Variants in ITGA1 observed in about 807,000 individuals in gnomAD.
ITGA1 encodes integrin subunit alpha 1.
ITGA1 carries 85 observed loss-of-function variants against 145.9 expected under a neutral mutation model. That is an observed-to-expected ratio of 0.58 (90% CI 0.49 to 0.70). The LOEUF is 0.70. ITGA1 is among the 30% of genes least tolerant of loss of function. The pLI is 0.00. For synonymous variants in ITGA1, 520 were observed against 495.3 expected, an observed-to-expected ratio of 1.05 and a Z score of -0.66; for missense variants, 1,351 against 1,418.7, an observed-to-expected ratio of 0.95 and a Z score of 0.77.
intron 19 of ITGA1, among the ~76,000 whole-genome samples, chr5:52,926,184 C>G (rs763118130): frequency 6.6e-6 from 1 of 152,090 alleles, no homozygotes; most frequent in African/African-American, 2.4e-5. Flanking sequence ...CTATTGTCTA[C>G]TTTCTGTAAA....
chr5:52,873,905 G>A (rs992096597), intron 6 of ITGA1, among the ~76,000 whole-genome samples: 3 of 152,194 alleles, frequency 2.0e-5, no homozygotes, highest in African/African-American at 4.8e-5. Context: ...TAAAATTTGG[G>A]TGCTGGTGTA....
intron 11 of ITGA1, 154 bp from the exon 12 acceptor site, chr5:52,905,609 C>T: frequency 1.8e-6 from 1 of 560,420 alleles, no homozygotes; most frequent in Non-Finnish European, 2.9e-6. Context: ...AAGCTTCCAC[C>T]AAAACAAATT....
intron 11 of ITGA1, 116 bp from the exon 12 acceptor site, chr5:52,905,647 T>C: frequency 1.1e-6 from 1 of 873,190 alleles, no homozygotes; most frequent in Non-Finnish European, 1.7e-6. Flanking sequence ...AAAAATATTA[T>C]TTTCAAAATA....
At chr5:52,943,500 T>C (rs1442796914) in intron 26 of ITGA1, among the ~76,000 whole-genome samples, 4 of 152,212 alleles carry the variant, frequency 2.6e-5, no homozygotes, top group African/African-American at 7.2e-5. Context: ...GGGCAGTAGA[T>C]AGGCTCTTAG....
In ITGA1 at chr5:52,941,115, C is replaced by T. The variant is rs550594321; in HGVS notation, c.3285+1171C>T. 6.6e-4 allele frequency among the ~76,000 whole-genome samples: 101 copies of T among 152,204 alleles called. 1 individual carries two copies. The highest frequency in any genetic ancestry group is 2.3e-3 in the African/African-American group (96 of 41,530). ...TTGCTGCAAAGGACATGATTTTGTT[C>T]TTTTTTATGGCTGTGCAGTGTTCCA... On this transcript the variant is annotated intron_variant, in intron 26 of 28. Transcript: ENST00000282588.
At chr5:52,908,036 G>A (rs182053937) in intron 12 of ITGA1, among the ~76,000 whole-genome samples, 1 of 152,124 alleles carries the variant, frequency 6.6e-6, no homozygotes, top group African/African-American at 2.4e-5. Context: ...TTTTAAGAAG[G>A]ATTGGTCATC....
chr5:52,947,596 G>A lies in ITGA1; in HGVS notation c.3495+135G>A. 9.8e-6 allele frequency: 6 copies of A among 612,116 alleles called. No individual in the cohort carries two copies. The South Asian group carries it at 1.2e-4, about 12-fold the overall frequency. The allele number at this position is 612,116 out of a possible 1,614,324, so 37.9% of individuals were successfully genotyped here. On this transcript the variant is annotated intron_variant, in intron 28 of 28. Transcript: ENST00000282588. The stretch of plus-strand genomic sequence containing the variant: ...ACAAACGTTGAAATGATGACTAAGG[G>A]AAAGAAAAAAGAAAAATGCGTATTT...
chr5:52,838,423 G>T (rs1221398111), intron 1 of ITGA1, among the ~76,000 whole-genome samples: 3 of 152,152 alleles, frequency 2.0e-5, no homozygotes, highest in Admixed American at 1.3e-4. Flanking sequence ...CACTGTCAGA[G>T]TGTGCACAGT....
chr5:52,884,407 A>G (rs1750014222), intron 7 of ITGA1, among the ~76,000 whole-genome samples: 1 of 151,530 alleles, frequency 6.6e-6, no homozygotes, highest in African/African-American at 2.4e-5. Context: ...AGATCGTGCC[A>G]CTGCACTTCA....
At position 52,861,083 on chromosome 5, in the gene ITGA1, C is replaced by A. The variant is rs796532541; in HGVS notation, c.183-364C>A. On this transcript the variant is annotated intron_variant, in intron 2 of 28. Coordinates refer to ENST00000282588, the MANE Select transcript of ITGA1 (RefSeq NM_181501.2). ...CAATAATTATTGATTATTTCAGTAC[C>A]CCAATAAAAAATATGATAAAGTAAT... Among the ~76,000 whole-genome samples the A allele has an allele frequency of 2.0e-5, 3 of 151,870 alleles. No homozygotes were observed. The South Asian group carries it at 6.3e-4, about 32-fold the overall frequency.
At chr5:52,895,722 T>G (rs1750213866) in intron 9 of ITGA1, among the ~76,000 whole-genome samples, 1 of 152,132 alleles carries the variant, frequency 6.6e-6, no homozygotes, top group Non-Finnish European at 1.5e-5. Flanking sequence ...GGTGACAGGT[T>G]GAAGAGCCCA....
Position 52,801,050 on chromosome 5 carries a change from A to C in ITGA1, c.61+12636A>C, listed in dbSNP as rs139977042. 7.4e-6 allele frequency: 12 copies of C among 1,613,710 alleles called. No individual in the cohort carries two copies. In the African/African-American group the frequency reaches 1.5e-4, roughly 20 times the overall value. On this transcript the variant is annotated intron_variant, in intron 1 of 28. Coordinates refer to ENST00000282588, the MANE Select transcript of ITGA1 (RefSeq NM_181501.2). ...GGATTTGTGAGGGAGCAGTTCTGCGACTACCTGTTTCAACAAGCAGTGAAG... is the reference window on the plus strand; with the variant it reads ...GGATTTGTGAGGGAGCAGTTCTGCGCCTACCTGTTTCAACAAGCAGTGAAG...
intron 1 of ITGA1, among the ~76,000 whole-genome samples, chr5:52,805,252 A>G (rs1013372601): frequency 6.6e-6 from 1 of 152,174 alleles, no homozygotes; most frequent in Admixed American, 6.5e-5. Flanking sequence ...GGGTTTGACC[A>G]TTAGGAGAAA....
rs925082467 is a variant in ITGA1, at chr5:52,956,519, A to T, written c.*4068A>T. On this transcript the variant is annotated 3_prime_UTR_variant, in exon 29 of 29. Coordinates refer to ENST00000282588, the MANE Select transcript of ITGA1 (RefSeq NM_181501.2). ...ACCAGCTTCAGTGACTCAATCATTT[A>T]TACAGGATTTCAGTGTTTTGTTCTG... The T allele has an allele frequency of 6.6e-6, 1 of 152,206 alleles. No individual in the cohort carries two copies. The highest frequency in any genetic ancestry group is 1.9e-4 in the East Asian group (1 of 5,198). The allele number at this position is 152,206 out of a possible 1,614,324, so 9.4% of individuals were successfully genotyped here.
At chr5:52,940,829 T>C (rs74580921) in intron 26 of ITGA1, among the ~76,000 whole-genome samples, 18 of 152,250 alleles carry the variant, frequency 1.2e-4, no homozygotes, top group Non-Finnish European at 2.5e-4. Context: ...ATACAGGGAG[T>C]ATACATGCAC....
Position 52,874,336 on chromosome 5 carries a change from C to T in ITGA1, c.625-7537C>T, listed in dbSNP as rs571042907. 4.4e-4 allele frequency among the ~76,000 whole-genome samples: 67 copies of T among 151,500 alleles called. No individual in the cohort carries two copies. The South Asian group carries it at 0.013, about 28-fold the overall frequency. ...AGTCCCTCTTGACTCCTCTTTTTGC[C>T]TCTTAAAGGCACCACCTCCCAACAC... is the stretch of plus-strand genomic sequence containing the variant. On this transcript the variant is annotated intron_variant, in intron 6 of 28. Coordinates refer to ENST00000282588, the MANE Select transcript of ITGA1 (RefSeq NM_181501.2).
chr5:52,814,961 A>C (rs1190124995), intron 1 of ITGA1, among the ~76,000 whole-genome samples: 1 of 152,142 alleles, frequency 6.6e-6, no homozygotes, highest in Non-Finnish European at 1.5e-5. Flanking sequence ...GCTTTTCCTT[A>C]GCTGACATTT....
At chr5:52,801,632 T>C (rs1444842248) in intron 1 of ITGA1, 1 of 1,613,924 alleles carries the variant, frequency 6.2e-7, no homozygotes, top group East Asian at 2.2e-5. Context: ...AGCGATGAGC[T>C]CTTCAGGCAT....
intron 14 of ITGA1, among the ~76,000 whole-genome samples, chr5:52,913,451 G>T (rs1370496448): frequency 6.6e-6 from 1 of 152,120 alleles, no homozygotes; most frequent in Non-Finnish European, 1.5e-5. Context: ...TAAGCTGCAG[G>T]GAACTTCTGT....
Sources: allele counts gnomAD v4.1 joint callset (sites outside exome capture counted in the v4.1 genomes callset), GRCh38; gene constraint gnomAD v4.1.1; transcripts MANE v1.5; gene names NCBI Gene and HGNC (gene_info 2026-07-23, HGNC 2026-07-21).